UBE2R2: variants seen among roughly 807,000 people sequenced by gnomAD.
The protein encoded by UBE2R2 is ubiquitin conjugating enzyme E2 R2.
A neutral mutation model predicts 27.8 loss-of-function variants in UBE2R2; 1 was observed. The ratio of observed to expected loss-of-function variants is 0.04; its 90% CI spans 0.01 to 0.17. The LOEUF (loss-of-function observed/expected upper bound fraction) is 0.17, where lower values mean the gene tolerates loss of function less well. UBE2R2 is among the 10% of genes least tolerant of loss of function. The pLI is 1.00. For synonymous variants in UBE2R2, 106 were observed against 113.3 expected (o/e 0.94, Z 0.41); for missense variants, 100 against 291.0 (o/e 0.34, Z 4.78).
intron 1 of UBE2R2, among the ~76,000 whole-genome samples, chr9:33,855,269 T>C (rs1258008705): frequency 6.6e-6 from 1 of 152,210 alleles, no homozygotes; most frequent in African/African-American, 2.4e-5. Context: ...TTTCCTGTGA[T>C]ATTTTTCTCT....
At chr9:33,831,023 A>G (rs1820461796) in intron 1 of UBE2R2, 1 of 149,608 alleles carries the variant, frequency 6.7e-6, no homozygotes, top group South Asian at 2.1e-4. Flanking sequence ...GATCACAACC[A>G]GTTACAGATT....
chr9:33,870,130 C>A (rs1821455469), intron 1 of UBE2R2, among the ~76,000 whole-genome samples: 1 of 151,844 alleles, frequency 6.6e-6, no homozygotes, highest in Non-Finnish European at 1.5e-5. Flanking sequence ...CAGGCATGAG[C>A]CACTGTGCCC....
chr9:33,901,114 C>T (rs1587479097), intron 3 of UBE2R2, among the ~76,000 whole-genome samples: 1 of 152,120 alleles, frequency 6.6e-6, no homozygotes, highest in East Asian at 1.9e-4. Context: ...TGCCACCATA[C>T]CTAGCTATTA....
At chr9:33,862,162 A>G (rs1263722687) in intron 1 of UBE2R2, among the ~76,000 whole-genome samples, 1 of 152,022 alleles carries the variant, frequency 6.6e-6, no homozygotes, top group Non-Finnish European at 1.5e-5. Context: ...CTGTTGATCC[A>G]CTTTCATAGT....
intron 3 of UBE2R2, among the ~76,000 whole-genome samples, chr9:33,911,659 T>C (rs548209691): frequency 2.0e-5 from 3 of 152,244 alleles, no homozygotes; most frequent in South Asian, 4.1e-4. Context: ...ATTACCCTTA[T>C]ACTAGAATCA....
At chr9:33,815,214 G>GA (rs1339661412), upstream of UBE2R2, among the ~76,000 whole-genome samples, 1 of 152,210 alleles carries the variant, frequency 6.6e-6, no homozygotes, top group Non-Finnish European at 1.5e-5. Flanking sequence ...CAGTCAAGAG[G>GA]AATCTACAGA....
At chr9:33,885,014 G>T (rs1821826730) in intron 1 of UBE2R2, among the ~76,000 whole-genome samples, 1 of 152,160 alleles carries the variant, frequency 6.6e-6, no homozygotes, top group Admixed American at 6.5e-5. Flanking sequence ...TAGTGGTCAG[G>T]TAATGATTGA....
At chr9:33,858,600 C>G (rs1821157657) in intron 1 of UBE2R2, among the ~76,000 whole-genome samples, 1 of 151,904 alleles carries the variant, frequency 6.6e-6, no homozygotes, top group Non-Finnish European at 1.5e-5. Context: ...TAGGGTTTTG[C>G]CATGTTGCCC....
chr9:33,840,036 T>C (rs1014412451), intron 1 of UBE2R2, among the ~76,000 whole-genome samples: 1 of 152,170 alleles, frequency 6.6e-6, no homozygotes, highest in Non-Finnish European at 1.5e-5. Flanking sequence ...CCACCCAGTT[T>C]ATGACTTTTG....
Position 33,870,037 on chromosome 9 carries a change from A to G in UBE2R2, c.178-16844A>G, listed in dbSNP as rs183255749. On this transcript the variant is annotated intron_variant, in intron 1 of 4. Coordinates refer to ENST00000263228, the MANE Select transcript of UBE2R2 (RefSeq NM_017811.4). Reference sequence around the variant, plus strand: ...AATTTTTGTATTTTTAGTAGAGACTAGGTTTCACTATATTGGTCAGTCTGG... The same window carrying G: ...AATTTTTGTATTTTTAGTAGAGACTGGGTTTCACTATATTGGTCAGTCTGG... Among the ~76,000 whole-genome samples the G allele has an allele frequency of 7.0e-3, 1,067 of 151,690 alleles. 13 individuals are homozygous for G. Among genetic ancestry groups the G allele is most frequent in the Non-Finnish European group, 0.013 (865 of 67,904 alleles).
At chr9:33,841,355 C>G (rs543083799) in intron 1 of UBE2R2, among the ~76,000 whole-genome samples, 1 of 152,266 alleles carries the variant, frequency 6.6e-6, no homozygotes, top group South Asian at 2.1e-4. Flanking sequence ...GCTGGGATTA[C>G]GGGCGTGAGC....
At chr9:33,899,414 G>A (rs1345541102) in intron 2 of UBE2R2, among the ~76,000 whole-genome samples, 1 of 150,234 alleles carries the variant, frequency 6.7e-6, no homozygotes, top group Non-Finnish European at 1.5e-5. Flanking sequence ...TCCCTCTGTT[G>A]CCCAGGATGG....
rs1825800207 is a variant in UBE2R2 at position 33,817,200 on chromosome 9, G to C, written c.-558G>C. Among the ~76,000 whole-genome samples the C allele has an allele frequency of 7.2e-6, 1 of 138,480 alleles. No individual in the cohort carries two copies. Among genetic ancestry groups the C allele is most frequent in the South Asian group, 2.4e-4 (1 of 4,154 alleles). The allele number at this position is 138,480 out of a possible 152,430, so 90.8% of individuals were successfully genotyped here. A position where few individuals can be genotyped will look rare whatever the true frequency, so the allele number is the denominator to read the frequency against. ...TGCTCCCGCGGCGCGAGGCGCTCTCGCTCTCCTCCTCCTCCGCCGTCGCCC... is the reference window on the plus strand; with the variant it reads ...TGCTCCCGCGGCGCGAGGCGCTCTCCCTCTCCTCCTCCTCCGCCGTCGCCC... On this transcript the variant is annotated 5_prime_UTR_variant, in exon 1 of 5. Coordinates refer to ENST00000263228, the MANE Select transcript of UBE2R2 (RefSeq NM_017811.4).
chr9:33,829,792 C>CTTTTTTTTTTTTTTTT (rs1563981311), intron 1 of UBE2R2, among the ~76,000 whole-genome samples: 1 of 119,334 alleles, frequency 8.4e-6, no homozygotes. Flanking sequence ...TTAGTGCAAT[C>CTTTTTTTTTTTTTTTT]GTTTTTTTTT....
intron 1 of UBE2R2, among the ~76,000 whole-genome samples, chr9:33,852,988 A>G (rs1821001128): frequency 6.6e-6 from 1 of 152,112 alleles, no homozygotes; most frequent in African/African-American, 2.4e-5. Context: ...AGCCTAGGCA[A>G]CAGAGCAAGA....
intron 3 of UBE2R2, among the ~76,000 whole-genome samples, chr9:33,901,461 A>G (rs1822243953): frequency 6.6e-6 from 1 of 152,218 alleles, no homozygotes; most frequent in Admixed American, 6.5e-5. Context: ...ATAGCCCACA[A>G]CTAAGGAGAG....
At chr9:33,873,816 C>T (rs28612684) in intron 1 of UBE2R2, among the ~76,000 whole-genome samples, 52 of 152,066 alleles carry the variant, frequency 3.4e-4, no homozygotes, top group African/African-American at 1.2e-3. Flanking sequence ...AAAAAAATTA[C>T]GGTGTGTGTG....
At chr9:33,868,069 GCT>G (rs1821402125) in intron 1 of UBE2R2, among the ~76,000 whole-genome samples, 1 of 152,184 alleles carries the variant, frequency 6.6e-6, no homozygotes, top group Non-Finnish European at 1.5e-5. Flanking sequence ...GCAGTGGGTG[GCT>G]CTCAGCGGAA....
chr9:33,892,642 A>G (rs1204724079), intron 2 of UBE2R2, among the ~76,000 whole-genome samples: 2 of 152,148 alleles, frequency 1.3e-5, no homozygotes, highest in African/African-American at 4.8e-5. Flanking sequence ...GTTTGTAAAT[A>G]ACTTGTCACA....
Sources: gnomAD v4.1 joint callset for allele counts (sites outside exome capture counted in the v4.1 genomes callset) on GRCh38, gnomAD v4.1.1 for gene constraint, MANE v1.5 for transcripts, NCBI Gene and HGNC (gene_info 2026-07-23, HGNC 2026-07-21) for gene names.